The following SLC31A1 variants were observed in gnomAD, a reference collection of about 807,000 sequenced individuals.
SLC31A1 encodes the protein solute carrier family 31 member 1.
Under a neutral mutation model 17.2 loss-of-function variants are expected in SLC31A1, and 5 were observed. The observed-to-expected ratio is 0.29, with a 90% CI of 0.15 to 0.61. The LOEUF (loss-of-function observed/expected upper bound fraction) is 0.61. SLC31A1 is among the 20% of genes least tolerant of loss of function. The probability of loss-of-function intolerance (pLI) is 0.86; values close to 1 mark genes in which losing one functional copy is unlikely to be tolerated. For missense variants in SLC31A1, 161 were observed against 241.4 expected, an observed-to-expected ratio of 0.67 and a Z score of 2.21; for synonymous variants, 76 against 78.8, an observed-to-expected ratio of 0.96 and a Z score of 0.19.
intron 1 of SLC31A1, among the ~76,000 whole-genome samples, chr9:113,250,540 A>T (rs1298923349): frequency 1.2e-5 from 1 of 86,136 alleles, no homozygotes; most frequent in African/African-American, 4.5e-5. Flanking sequence ...GGGTTGGGGG[A>T]GGGGGGAGGG....
intron 1 of SLC31A1, among the ~76,000 whole-genome samples, chr9:113,247,874 A>G (rs774701870): frequency 3.3e-5 from 5 of 152,240 alleles, no homozygotes; most frequent in Non-Finnish European, 7.3e-5. Context: ...CTAACTGAAG[A>G]TAAATGTTCC....
intron 1 of SLC31A1, among the ~76,000 whole-genome samples, chr9:113,232,161 C>T (rs73655854): frequency 0.015 from 2,295 of 152,166 alleles, 59 homozygotes; most frequent in African/African-American, 0.053. Context: ...TTAGCAATAC[C>T]ACAGAATACA....
intron 1 of SLC31A1, among the ~76,000 whole-genome samples, 167 bp downstream of exon 1, chr9:113,221,845 TAGCCAG>T (rs749866042): frequency 6.6e-6 from 1 of 152,208 alleles, no homozygotes; most frequent in African/African-American, 2.4e-5. Flanking sequence ...TGCAGTGGCA[TAGCCAG>T]AGTGACCTTG....
chr9:113,230,780 T>G (rs903932812), intron 1 of SLC31A1, among the ~76,000 whole-genome samples: 2 of 152,202 alleles, frequency 1.3e-5, no homozygotes, highest in Non-Finnish European at 2.9e-5. Flanking sequence ...ACTAGTCTTT[T>G]GGGGAAGCTA....
At position 113,260,578 on chromosome 9, in the gene SLC31A1, CG is replaced by C; in HGVS notation, c.*106del. The C allele has an allele frequency of 2.7e-6, 2 of 748,078 alleles. No individual in the cohort carries two copies. The highest frequency in any genetic ancestry group is 4.5e-6 in the Non-Finnish European group (2 of 443,100). The allele number at this position is 748,078 out of a possible 1,614,324, so 46.3% of individuals were successfully genotyped here. On this transcript the variant is annotated 3_prime_UTR_variant, in exon 5 of 5. Transcript: ENST00000374212. Reference sequence around the variant, plus strand: ...ATCCCTTCTTGCTCCTCTTTGTGCACGTACACACACACACACACACACACAC... The same window carrying C: ...ATCCCTTCTTGCTCCTCTTTGTGCACTACACACACACACACACACACACAC...
chr9:113,248,670 G>A (rs1831612122), intron 1 of SLC31A1, among the ~76,000 whole-genome samples: 1 of 151,576 alleles, frequency 6.6e-6, no homozygotes, highest in Non-Finnish European at 1.5e-5. Flanking sequence ...GTAGAGATGG[G>A]GTTTCACTAT....
At position 113,262,701 on chromosome 9, in the gene SLC31A1, A is replaced by G. The variant is rs910655969; in HGVS notation, c.*2228A>G. 6.6e-6 allele frequency: 1 copy of G among 152,666 alleles called. No homozygotes were observed. Among genetic ancestry groups the G allele is most frequent in the Non-Finnish European group, 1.5e-5 (1 of 68,062 alleles). The allele number at this position is 152,666 out of a possible 1,614,324, so 9.5% of individuals were successfully genotyped here. A position where few individuals can be genotyped will look rare whatever the true frequency, so the allele number is the denominator to read the frequency against. On this transcript the variant is annotated 3_prime_UTR_variant, in exon 5 of 5. Coordinates refer to ENST00000374212, the MANE Select transcript of SLC31A1 (RefSeq NM_001859.4). ...AACATGAGCAGGGTGAATGACAGGT[A>G]CTGACGAAGTCCAACACAAAGGTAT...
rs990088511 is a variant in SLC31A1, at chr9:113,236,482, A to G, written c.-36+14804A>G. 1.9e-4 allele frequency among the ~76,000 whole-genome samples: 29 copies of G among 150,138 alleles called. 2 individuals are homozygous for G. The South Asian group carries it at 5.7e-3, about 30-fold the overall frequency. On this transcript the variant is annotated intron_variant, in intron 1 of 4. Transcript: ENST00000374212. ...GGGTTCACGCCATTCTCCTGCCTCA[A>G]CCTCCCGAGTAGCTGGGACTACAGG...
Position 113,260,253 on chromosome 9 carries a change from G to A in SLC31A1, c.372-19G>A, listed in dbSNP as rs1222503891. 2.5e-6 allele frequency: 4 copies of A among 1,610,732 alleles called. No homozygotes were observed. The highest frequency in any genetic ancestry group is 1.3e-5 in the African/African-American group (1 of 74,824). On this transcript the variant is annotated intron_variant, in intron 4 of 4. Coordinates refer to ENST00000374212, the MANE Select transcript of SLC31A1 (RefSeq NM_001859.4). ...ACTCCTAGGAGTCCCTGATTGTTGT[G>A]TCCCTGTTTACTCTCCAGGCAACAG...
rs779878098 is a variant in SLC31A1, at chr9:113,258,860, T to C, written c.369T>C (p.Val123=). The C allele has an allele frequency of 6.2e-7, 1 of 1,614,160 alleles. No individual in the cohort carries two copies. Among genetic ancestry groups the C allele is most frequent in the Non-Finnish European group, 8.5e-7 (1 of 1,179,998 alleles). The change falls in exon 4 of 5, where the codon GTT becomes GTC. Residue 123 remains valine (V), a splice_region_variant and synonymous_variant. Transcript: ENST00000374212. The surrounding 1 kb of genome is among the most constrained non-coding windows in gnomAD (Gnocchi z 4.8). ...GTILMETHKT[V]GQQMLSFPHL... is the part of the protein sequence containing the mutation. ...TCCTTATGGAGACACACAAAACTGT[T>C]GGGTAAGAACTGAACAGATCCAGAT... is the stretch of plus-strand genomic sequence containing the variant.
chr9:113,237,190 G>A (rs1831469176), intron 1 of SLC31A1, among the ~76,000 whole-genome samples: 1 of 152,318 alleles, frequency 6.6e-6, no homozygotes, highest in East Asian at 1.9e-4. Flanking sequence ...TAGAGGTAGA[G>A]CAGCCAAGAG....
In SLC31A1 at chr9:113,261,030, G is replaced by A. The variant is rs546407769; in HGVS notation, c.*557G>A. On this transcript the variant is annotated 3_prime_UTR_variant, in exon 5 of 5. Transcript: ENST00000374212. ...AATCCCAGCACTTTGGGGGGCCAAG[G>A]CAGGCTGGATCACCTGAGGACAGGA... 1.4e-4 allele frequency: 26 copies of A among 185,522 alleles called. No individual in the cohort carries two copies. In the South Asian group the frequency reaches 2.6e-3, roughly 19 times the overall value. The allele number at this position is 185,522 out of a possible 1,614,324, so 11.5% of individuals were successfully genotyped here. A position where few individuals can be genotyped will look rare whatever the true frequency, so the allele number is the denominator to read the frequency against.
chr9:113,252,369 C>T (rs1167656262), intron 1 of SLC31A1, among the ~76,000 whole-genome samples: 2 of 152,154 alleles, frequency 1.3e-5, no homozygotes, highest in East Asian at 3.8e-4. Context: ...AATCTCGGCT[C>T]ACTGCAACCT....
intron 1 of SLC31A1, among the ~76,000 whole-genome samples, chr9:113,236,013 A>G (rs1005500604): frequency 3.3e-5 from 5 of 152,222 alleles, no homozygotes; most frequent in African/African-American, 1.2e-4. Flanking sequence ...GTTTTGAGAC[A>G]GTCTTGCTGT....
At chr9:113,246,179 G>A (rs187102479) in intron 1 of SLC31A1, among the ~76,000 whole-genome samples, 157 of 151,442 alleles carry the variant, frequency 1.0e-3, no homozygotes, top group Non-Finnish European at 1.6e-3. Flanking sequence ...TCTCAAGCTG[G>A]GACCACAGGT....
intron 1 of SLC31A1, among the ~76,000 whole-genome samples, chr9:113,248,462 C>CTTTTTTT (rs34154634): frequency 1.0e-4 from 9 of 86,550 alleles, no homozygotes; most frequent in African/African-American, 3.9e-4. Flanking sequence ...GAAAGCAGTC[C>CTTTTTTT]TTTTTTTTTT....
At chr9:113,223,234 A>G (rs1426588890) in intron 1 of SLC31A1, 2 of 454,496 alleles carry the variant, frequency 4.4e-6, no homozygotes, top group East Asian at 7.0e-5. Flanking sequence ...TTATCACTGT[A>G]GAAACACAGC....
rs1282361795 is a variant in SLC31A1 at position 113,252,946 on chromosome 9, C to CTTTTTTTTTTTTTTTTTTTTTTTTTTT, written c.-35-3161_-35-3160insTTTTTTTTTTTTTTTTTTTTTTTTTTT. Among the ~76,000 whole-genome samples the CTTTTTTTTTTTTTTTTTTTTTTTTTTT allele has an allele frequency of 1.8e-5, 2 of 113,708 alleles. 1 individual carries two copies. Among genetic ancestry groups the CTTTTTTTTTTTTTTTTTTTTTTTTTTT allele is most frequent in the Non-Finnish European group, 3.5e-5 (2 of 56,638 alleles). 74.6% of individuals were successfully genotyped at this position (113,708 alleles called of 152,430 possible). ...CTGGCTAGCGAAAGTCTTTTCTTTTCTTTTTTTCTTTTTTTTTTTTTTTTT... is the reference window on the plus strand; with the variant it reads ...CTGGCTAGCGAAAGTCTTTTCTTTTCTTTTTTTTTTTTTTTTTTTTTTTTTTTTTTTTTTCTTTTTTTTTTTTTTTTT... On this transcript the variant is annotated intron_variant, in intron 1 of 4. Transcript: ENST00000374212.
chr9:113,230,194 A>G (rs1831385943), intron 1 of SLC31A1, among the ~76,000 whole-genome samples: 2 of 152,302 alleles, frequency 1.3e-5, no homozygotes, highest in South Asian at 4.1e-4. Context: ...ATGATACCAT[A>G]ACAATTACTA....
Sources: allele counts gnomAD v4.1 joint callset (sites outside exome capture counted in the v4.1 genomes callset), GRCh38; gene constraint gnomAD v4.1.1; non-coding constraint Gnocchi (gnomAD v3.1); transcripts MANE v1.5; gene names NCBI Gene and HGNC (gene_info 2026-07-23, HGNC 2026-07-21).